The following TMEM11 variants were observed in gnomAD, a reference collection of about 807,000 sequenced individuals.
TMEM11 encodes the protein transmembrane protein 11.
Under a neutral mutation model 17.0 loss-of-function variants are expected in TMEM11, and 1 was observed. The observed-to-expected ratio is 0.06, with a 90% CI of 0.02 to 0.28. The LOEUF is 0.28. Among genes scored for constraint, TMEM11 ranks in the 10% least tolerant of loss-of-function variants. The pLI is 1.00. For missense variants in TMEM11, 172 were observed against 252.9 expected, an observed-to-expected ratio of 0.68 and a Z score of 2.17; for synonymous variants, 122 against 118.1, an observed-to-expected ratio of 1.03 and a Z score of -0.21.
At chr17:21,210,988 A>T in intron 1 of TMEM11, 1 of 1,289,766 alleles carries the variant, frequency 7.8e-7, no homozygotes, top group Non-Finnish European at 1.0e-6. Context: ...GAGACAGTGA[A>T]GCCGAGCAGC....
intron 1 of TMEM11, 46 bp downstream of exon 1, chr17:21,214,045 G>A (rs1357871282): frequency 6.4e-7 from 1 of 1,570,458 alleles, no homozygotes. Flanking sequence ...GGGCTCTCCG[G>A]CCGCTGAGCC....
chr17:21,201,272 A>G (rs1974880462), intron 1 of TMEM11, among the ~76,000 whole-genome samples: 1 of 152,250 alleles, frequency 6.6e-6, no homozygotes, highest in African/African-American at 2.4e-5. Flanking sequence ...GGACTTGGGC[A>G]AACGGAACTC....
intron 1 of TMEM11, among the ~76,000 whole-genome samples, chr17:21,202,014 C>G (rs545143068): frequency 1.3e-5 from 2 of 152,282 alleles, no homozygotes; most frequent in South Asian, 4.1e-4. Context: ...AGCTGAAGGC[C>G]GAGCAGTGCC....
intron 1 of TMEM11, chr17:21,213,832 C>T (rs1401383770): frequency 4.0e-6 from 2 of 497,646 alleles, no homozygotes; most frequent in Non-Finnish European, 7.1e-6. Context: ...GGCCCGGCCT[C>T]GGGCCCCGCC....
At chr17:21,203,984 A>G (rs1035777460) in intron 1 of TMEM11, among the ~76,000 whole-genome samples, 1 of 118,230 alleles carries the variant, frequency 8.5e-6, no homozygotes, top group Non-Finnish European at 1.8e-5. Flanking sequence ...TTTTTAAATT[A>G]TATGGACTTT....
intron 1 of TMEM11, among the ~76,000 whole-genome samples, chr17:21,212,012 T>C (rs1417190862): frequency 1.3e-5 from 2 of 152,112 alleles, no homozygotes; most frequent in Non-Finnish European, 2.9e-5. Context: ...TGAGCAGGAA[T>C]GGAGGGATGC....
At chr17:21,200,998 A>G (rs766578915) in intron 1 of TMEM11, among the ~76,000 whole-genome samples, 1 of 152,230 alleles carries the variant, frequency 6.6e-6, no homozygotes, top group Non-Finnish European at 1.5e-5. Context: ...TGGAAATCGG[A>G]CTGTCGGGAA....
intron 1 of TMEM11, among the ~76,000 whole-genome samples, chr17:21,203,253 G>A (rs980352063): frequency 2.0e-4 from 31 of 152,200 alleles, no homozygotes; most frequent in East Asian, 3.8e-4. Context: ...GGATCCCTCC[G>A]TTGGAGCTCA....
At chr17:21,210,773 G>C (rs1974994606) in intron 1 of TMEM11, among the ~76,000 whole-genome samples, 1 of 152,216 alleles carries the variant, frequency 6.6e-6, no homozygotes, top group Admixed American at 6.5e-5. Context: ...CCAGGGGAGG[G>C]GCAGGCCACA....
intron 1 of TMEM11, among the ~76,000 whole-genome samples, chr17:21,202,974 C>G (rs1196449979): frequency 2.0e-5 from 3 of 152,250 alleles, no homozygotes; most frequent in Admixed American, 1.3e-4. Context: ...TGCCCACTGT[C>G]TAAGACACCT....
chr17:21,211,339 A>G, intron 1 of TMEM11: 2 of 795,786 alleles, frequency 2.5e-6, no homozygotes, highest in East Asian at 6.4e-5. Context: ...AACTTTCTGC[A>G]GTGATGGAAA....
chr17:21,211,273 C>T lies in TMEM11; in HGVS notation c.62+2818G>A, dbSNP rs142970610. 1.4e-3 allele frequency: 1,770 copies of T among 1,271,130 alleles called. 4 individuals carry two copies. Among genetic ancestry groups the T allele is most frequent in the Non-Finnish European group, 1.7e-3 (1,684 of 972,956 alleles). 78.7% of individuals were successfully genotyped at this position (1,271,130 alleles called of 1,614,324 possible). On this transcript the variant is annotated intron_variant, in intron 1 of 1. Coordinates refer to ENST00000317635, the MANE Select transcript of TMEM11 (RefSeq NM_003876.3). ...AGAAAAATCAACATGCAAGCACTAC[C>T]ATTTTGCTATTTCCACCCCTCCTAT...
chr17:21,214,102 GCTGCCGCCA>G lies in TMEM11; in HGVS notation c.42_50del (p.Gly15_Ser17del), dbSNP rs1377420458. On this transcript the variant is annotated inframe_deletion, in exon 1 of 2. Transcript: ENST00000317635. ...CCCTTGGATCTCACCTCTCTCGGGCGCTGCCGCCACTGCTGCCCGGGCCAAGACGCCTCC... is the reference window on the plus strand; with the variant it reads ...CCCTTGGATCTCACCTCTCTCGGGCGCTGCTGCCCGGGCCAAGACGCCTCC... 1.2e-6 allele frequency: 2 copies of G among 1,610,596 alleles called. No individual in the cohort carries two copies. The highest frequency in any genetic ancestry group is 1.7e-6 in the Non-Finnish European group (2 of 1,179,364).
Position 21,214,123 on chromosome 17 carries a change from G to A in TMEM11, c.30C>T (p.Gly10=). ...GGGCGCTGCCGCCACTGCTGCCCGG[G>A]CCAAGACGCCTCCTTCCCCAAGCGG... MAAWGRRRL[G]PGSSGGSARE... Residue 10 remains glycine, a synonymous_variant, in exon 1 of 2, where the codon GGC becomes GGT. Coordinates refer to ENST00000317635, the MANE Select transcript of TMEM11 (RefSeq NM_003876.3). The A allele has an allele frequency of 6.2e-7, 1 of 1,612,098 alleles. No homozygotes were observed. Among genetic ancestry groups the A allele is most frequent in the Non-Finnish European group, 8.5e-7 (1 of 1,179,594 alleles).
chr17:21,204,275 A>G (rs927353825), intron 1 of TMEM11, among the ~76,000 whole-genome samples: 9 of 151,760 alleles, frequency 5.9e-5, no homozygotes, highest in Non-Finnish European at 7.4e-5. Flanking sequence ...CTCTGCTACA[A>G]ATACAAAAAT....
chr17:21,212,909 T>C (rs1975018221), intron 1 of TMEM11, among the ~76,000 whole-genome samples: 3 of 152,234 alleles, frequency 2.0e-5, no homozygotes. Context: ...AAAGTGTGTT[T>C]ACCACTGCTT....
intron 1 of TMEM11, among the ~76,000 whole-genome samples, chr17:21,209,562 T>G (rs1177124792): frequency 6.6e-6 from 1 of 152,156 alleles, no homozygotes; most frequent in African/African-American, 2.4e-5. Context: ...AGCCCACAAA[T>G]TTTAAGACCA....
At chr17:21,201,034 C>T (rs1309191098) in intron 1 of TMEM11, among the ~76,000 whole-genome samples, 3 of 152,216 alleles carry the variant, frequency 2.0e-5, no homozygotes, top group African/African-American at 7.2e-5. Flanking sequence ...AACAGGCAAT[C>T]GTAGTTCTTC....
chr17:21,200,415 C>T (rs927887423), intron 1 of TMEM11, among the ~76,000 whole-genome samples: 28 of 152,334 alleles, frequency 1.8e-4, no homozygotes, highest in African/African-American at 5.3e-4. Flanking sequence ...TGGGCCTTGA[C>T]GGGGACACTG....
Sources: allele counts gnomAD v4.1 joint callset (sites outside exome capture counted in the v4.1 genomes callset), GRCh38; gene constraint gnomAD v4.1.1; transcripts MANE v1.5; gene names NCBI Gene and HGNC (gene_info 2026-07-23, HGNC 2026-07-21).